Variants in LONP2 observed in about 807,000 individuals in gnomAD.
LONP2 encodes lon peptidase 2, peroxisomal.
A neutral mutation model predicts 85.6 loss-of-function variants in LONP2; 60 were observed. The observed-to-expected ratio is 0.70, with a 90% CI of 0.57 to 0.87. The LOEUF (loss-of-function observed/expected upper bound fraction) is 0.87. Ranked by LOEUF, LONP2 falls within the 40% of genes least tolerant of loss-of-function variation. The pLI is 0.00. For synonymous variants in LONP2, 395 were observed against 389.7 expected (o/e 1.01, Z -0.16); for missense variants, 860 against 1,063.5 (o/e 0.81, Z 2.66).
rs114330636 is a variant in LONP2, at chr16:48,349,250, A to G, written c.2337+960A>G. On this transcript the variant is annotated intron_variant, in intron 14 of 14. Transcript: ENST00000285737. Reference sequence around the variant, plus strand: ...TTGGCAGGTTCATAGCAAGATGAGGAAAAAAAAAAAGAAATAGTCTTTTTT... The same window carrying G: ...TTGGCAGGTTCATAGCAAGATGAGGGAAAAAAAAAAGAAATAGTCTTTTTT... Among the ~76,000 whole-genome samples, 1,030 of 145,144 alleles carry G rather than the reference A, an allele frequency of 7.1e-3. 11 individuals are homozygous for G. The highest frequency in any genetic ancestry group is 0.024 in the African/African-American group (957 of 39,170).
intron 4 of LONP2, among the ~76,000 whole-genome samples, chr16:48,259,289 A>G (rs1971827269): frequency 6.6e-6 from 1 of 152,182 alleles, no homozygotes; most frequent in Non-Finnish European, 1.5e-5. Flanking sequence ...TTTAACCCAT[A>G]TATTATTTTG....
At chr16:48,245,431 G>A (rs1193048438) in intron 1 of LONP2, among the ~76,000 whole-genome samples, 1 of 152,198 alleles carries the variant, frequency 6.6e-6, no homozygotes, top group Non-Finnish European at 1.5e-5. Flanking sequence ...AAGTTATGAA[G>A]AATAAATTGA....
At chr16:48,265,186 C>CT (rs1273322350) in intron 6 of LONP2, among the ~76,000 whole-genome samples, 2 of 152,104 alleles carry the variant, frequency 1.3e-5, no homozygotes, top group Non-Finnish European at 2.9e-5. Flanking sequence ...TTTTGCTGAA[C>CT]TTTTTTTATT....
chr16:48,260,639 G>A (rs1033217788), intron 4 of LONP2, among the ~76,000 whole-genome samples: 1 of 152,192 alleles, frequency 6.6e-6, no homozygotes, highest in East Asian at 1.9e-4. Context: ...TTAAATGCTA[G>A]TATATAATTT....
chr16:48,266,193 C>T (rs543291441), intron 6 of LONP2, among the ~76,000 whole-genome samples: 8 of 152,006 alleles, frequency 5.3e-5, no homozygotes, highest in African/African-American at 7.2e-5. Context: ...TTAGCAGAGA[C>T]GGGGTTTCAC....
chr16:48,260,525 G>C (rs1971852845), intron 4 of LONP2, among the ~76,000 whole-genome samples: 1 of 152,194 alleles, frequency 6.6e-6, no homozygotes, highest in African/African-American at 2.4e-5. Flanking sequence ...CTTGAGCCAG[G>C]GAGGTTGAGG....
intron 7 of LONP2, among the ~76,000 whole-genome samples, chr16:48,276,246 C>G (rs1839137909): frequency 6.6e-6 from 1 of 152,188 alleles, no homozygotes; most frequent in Non-Finnish European, 1.5e-5. Flanking sequence ...GAAAGGCATT[C>G]CCATGATATT....
At chr16:48,256,961 T>C (rs182378982) in intron 3 of LONP2, among the ~76,000 whole-genome samples, 1 of 151,730 alleles carries the variant, frequency 6.6e-6, no homozygotes, top group Non-Finnish European at 1.5e-5. Flanking sequence ...AGCAGCTCTT[T>C]TATTTGCATA....
At chr16:48,304,147 T>C (rs1972864708) in intron 11 of LONP2, among the ~76,000 whole-genome samples, 2 of 152,252 alleles carry the variant, frequency 1.3e-5, no homozygotes, top group South Asian at 4.1e-4. Context: ...TGTTATCTTA[T>C]TTCTTTCTGA....
At chr16:48,317,071 G>T (rs1473891681) in intron 11 of LONP2, among the ~76,000 whole-genome samples, 4 of 152,104 alleles carry the variant, frequency 2.6e-5, no homozygotes, top group Non-Finnish European at 5.9e-5. Flanking sequence ...TTATTATGTG[G>T]TACTCCCAGG....
Position 48,362,763 on chromosome 16 carries a change from T to C in LONP2, c.*900T>C. On this transcript the variant is annotated 3_prime_UTR_variant, in exon 5 of 5. Transcript: ENST00000565867. This position sits in a 1 kb window ranked among gnomAD's most constrained non-coding sequence, Gnocchi z 4.2. ...CAACTAAAGAAACTATACAAGGAAC[T>C]GAAGTTTAATCGAATCCGTTTTGCT... is the stretch of plus-strand genomic sequence containing the variant. The C allele has an allele frequency of 4.3e-6, 1 of 231,634 alleles. No individual in the cohort carries two copies. Among genetic ancestry groups the C allele is most frequent in the Non-Finnish European group, 9.2e-6 (1 of 108,680 alleles). 14.3% of individuals were successfully genotyped at this position (231,634 alleles called of 1,614,324 possible).
At chr16:48,265,128 A>G (rs1312638763) in intron 6 of LONP2, among the ~76,000 whole-genome samples, 2 of 152,150 alleles carry the variant, frequency 1.3e-5, no homozygotes, top group Admixed American at 1.3e-4. Context: ...CCCTTATCAG[A>G]AATATGGTTT....
chr16:48,349,249 GAA>G (rs879906791), intron 14 of LONP2, among the ~76,000 whole-genome samples: 1 of 143,026 alleles, frequency 7.0e-6, no homozygotes. Context: ...GCAAGATGAG[GAA>G]AAAAAAAAAG....
At chr16:48,340,021 A>T (rs1332307947) in intron 12 of LONP2, among the ~76,000 whole-genome samples, 4 of 152,220 alleles carry the variant, frequency 2.6e-5, no homozygotes, top group Admixed American at 2.6e-4. Flanking sequence ...CTGGGAGAGC[A>T]TCATGCCTTC....
Position 48,291,554 on chromosome 16 carries a change from A to G in LONP2, c.1384-4461A>G, listed in dbSNP as rs1008649155. Among the ~76,000 whole-genome samples the G allele has an allele frequency of 1.3e-3, 202 of 152,240 alleles. 2 individuals carry two copies. The highest frequency in any genetic ancestry group is 2.2e-4 in the Non-Finnish European group (15 of 68,046). ...AATGCGTCATATCACAGCTATTTCC[A>G]TTCCCAGTCATACTTTGTAGGTAGG... On this transcript the variant is annotated intron_variant, in intron 8 of 14. Transcript: ENST00000285737.
In LONP2 at chr16:48,244,369, C is replaced by T; in HGVS notation, c.-20C>T. The T allele has an allele frequency of 6.6e-7, 1 of 1,509,146 alleles. No homozygotes were observed. Among genetic ancestry groups the T allele is most frequent in the South Asian group, 1.2e-5 (1 of 81,278 alleles). 93.5% of individuals were successfully genotyped at this position (1,509,146 alleles called of 1,614,324 possible). A position where few individuals can be genotyped will look rare whatever the true frequency, so the allele number is the denominator to read the frequency against. ...CTGTCTGGCTCTTTTTGACAGCCCC[C>T]AGTGCGAAAGGCTGCCAGCATGTCA... On this transcript the variant is annotated 5_prime_UTR_variant, in exon 1 of 15. Transcript: ENST00000285737.
intron 1 of LONP2, among the ~76,000 whole-genome samples, chr16:48,249,014 G>T (rs572318668): frequency 1.3e-5 from 2 of 152,008 alleles, no homozygotes; most frequent in Non-Finnish European, 2.9e-5. Flanking sequence ...GCAGTTGATG[G>T]TTCTTAAATA....
At chr16:48,341,301 AAAATAAAT>A (rs371563291) in intron 12 of LONP2, among the ~76,000 whole-genome samples, 2,163 of 151,952 alleles carry the variant, frequency 0.014, 56 homozygotes, top group African/African-American at 0.043. Flanking sequence ...CTCCATCTCA[AAAATAAAT>A]AAATAAATAA....
Position 48,299,714 on chromosome 16 carries a change from G to A in LONP2, c.1587G>A (p.Lys529=), listed in dbSNP as rs1972761671. 6.2e-7 allele frequency: 1 copy of A among 1,613,992 alleles called. No individual in the cohort carries two copies. Among genetic ancestry groups the A allele is most frequent in the Non-Finnish European group, 8.5e-7 (1 of 1,179,940 alleles). Residue 529 remains lysine (K), a synonymous_variant, in exon 10 of 15, where the codon AAG becomes AAA. Coordinates refer to ENST00000285737, the MANE Select transcript of LONP2 (RefSeq NM_031490.5). ...TTGCCCATAGGCACTTGATCCCCAA[G>A]CAGCTGGAACAACATGGGCTGACTC... ...IEIAHRHLIP[K]QLEQHGLTPQ...
Sources: allele counts gnomAD v4.1 joint callset (sites outside exome capture counted in the v4.1 genomes callset), GRCh38; gene constraint gnomAD v4.1.1; non-coding constraint Gnocchi (gnomAD v3.1); transcripts MANE v1.5; gene names NCBI Gene and HGNC (gene_info 2026-07-23, HGNC 2026-07-21).